The following WDR73 variants were observed in gnomAD, a reference collection of about 807,000 sequenced individuals.
WDR73 encodes the protein WD repeat domain 73, also known as integrator complex assembly factor WDR73.
WDR73 carries 30 observed loss-of-function variants against 38.2 expected under a neutral mutation model. The ratio of observed to expected loss-of-function variants is 0.79; its 90% CI spans 0.59 to 1.06. The LOEUF is 1.06. Among genes scored for constraint, WDR73 ranks in the 50% least tolerant of loss-of-function variants. WDR73 has a pLI of 0.00. For missense variants in WDR73, 487 were observed against 467.0 expected, an observed-to-expected ratio of 1.04 and a Z score of -0.40; for synonymous variants, 197 against 176.0, an observed-to-expected ratio of 1.12 and a Z score of -0.94.
At chr15:84,649,181 T>C (rs1896549120) in intron 3 of WDR73, among the ~76,000 whole-genome samples, 1 of 152,164 alleles carries the variant, frequency 6.6e-6, no homozygotes, top group African/African-American at 2.4e-5. Context: ...AAGTATTAAG[T>C]TGTGAATTTG....
chr15:84,641,650 A>G lies in WDR73; in HGVS notation c.*1820T>C, dbSNP rs1896259572. Reference sequence around the variant, plus strand: ...TGCCTCACCCTCCTGAGTAGTGGGGATTACAGGTGTGCCACCACCATGCCC... The same window carrying G: ...TGCCTCACCCTCCTGAGTAGTGGGGGTTACAGGTGTGCCACCACCATGCCC... On this transcript the variant is annotated 3_prime_UTR_variant, in exon 8 of 8. Coordinates refer to ENST00000434634, the MANE Select transcript of WDR73 (RefSeq NM_032856.5). 2 of 151,980 alleles carry G rather than the reference A, an allele frequency of 1.3e-5. No individual in the cohort carries two copies. The highest frequency in any genetic ancestry group is 2.9e-5 in the Non-Finnish European group (2 of 68,020). The allele number at this position is 151,980 out of a possible 1,614,324, so 9.4% of individuals were successfully genotyped here. A position where few individuals can be genotyped will look rare whatever the true frequency, so the allele number is the denominator to read the frequency against.
At chr15:84,648,458 G>A (rs1279938231) in intron 4 of WDR73, 79 bp downstream of exon 4, 12 of 987,922 alleles carry the variant, frequency 1.2e-5, no homozygotes, top group Non-Finnish European at 1.8e-5. Context: ...ATGGAGATGA[G>A]GAGGCAGAAT....
intron 3 of WDR73, among the ~76,000 whole-genome samples, chr15:84,649,618 C>T (rs1896565018): frequency 6.6e-6 from 1 of 151,876 alleles, no homozygotes; most frequent in South Asian, 2.1e-4. Context: ...TACAGGTGTG[C>T]ACCACCACAC....
At position 84,645,611 on chromosome 15, in the gene WDR73, C is replaced by T. The variant is rs1276461322; in HGVS notation, c.743G>A (p.Gly248Glu). Reference protein sequence around the residue: ...GPSIASLGSDGRLCLLDPRDL... With the variant: ...GPSIASLGSDERLCLLDPRDL... ...CCGGGGGTCAAGAAGACAAAGACGC[C>T]CATCTGAGCCAAGGCTGGCAATGCT... Residue 248 changes from glycine to glutamate, a missense_variant, in exon 7 of 8, where the codon GGG (glycine) becomes GAG (glutamate). By Grantham distance (98) the Gly-to-Glu change is moderately conservative. Transcript: ENST00000434634. 1 of 1,609,176 alleles carries T rather than the reference C, an allele frequency of 6.2e-7. No individual in the cohort carries two copies. Among genetic ancestry groups the T allele is most frequent in the Non-Finnish European group, 8.5e-7 (1 of 1,178,004 alleles).
Position 84,643,391 on chromosome 15 carries a change from A to C in WDR73, c.*79T>G. On this transcript the variant is annotated 3_prime_UTR_variant, in exon 8 of 8. Transcript: ENST00000434634. Reference sequence around the variant, plus strand: ...CAGCTGGTAACAGGGACTGGTAGTCACTTGAGTCCTACATGAGCACCCTTG... The same window carrying C: ...CAGCTGGTAACAGGGACTGGTAGTCCCTTGAGTCCTACATGAGCACCCTTG... 1 of 1,492,178 alleles carries C rather than the reference A, an allele frequency of 6.7e-7. No individual in the cohort carries two copies. The highest frequency in any genetic ancestry group is 9.0e-7 in the Non-Finnish European group (1 of 1,112,020). The allele number at this position is 1,492,178 out of a possible 1,614,324, so 92.4% of individuals were successfully genotyped here.
intron 3 of WDR73, among the ~76,000 whole-genome samples, 172 bp from the exon 4 acceptor site, chr15:84,648,797 G>T (rs754842655): frequency 1.3e-5 from 2 of 152,174 alleles, no homozygotes; most frequent in Non-Finnish European, 2.9e-5. Flanking sequence ...CTGCCTACAC[G>T]TACAGCTTCC....
At position 84,652,696 on chromosome 15, in the gene WDR73, A is replaced by T; in HGVS notation, c.198+18T>A. On this transcript the variant is annotated intron_variant, in intron 3 of 7. Transcript: ENST00000434634. ...ATAAATAAAAGTTGACATACTCAGC[A>T]TTTATATTTTAAGTTACCTTGTTTT... 1 of 1,367,034 alleles carries T rather than the reference A, an allele frequency of 7.3e-7. No homozygotes were observed. The allele number at this position is 1,367,034 out of a possible 1,614,324, so 84.7% of individuals were successfully genotyped here.
At chr15:84,647,349 C>G (rs1596052203) in intron 5 of WDR73, 1 of 157,614 alleles carries the variant, frequency 6.3e-6, no homozygotes, top group East Asian at 1.9e-4. Context: ...GCCACTGCCC[C>G]TGCCTAGGGA....
At chr15:84,649,346 G>A (rs1896554346) in intron 3 of WDR73, among the ~76,000 whole-genome samples, 2 of 152,176 alleles carry the variant, frequency 1.3e-5, no homozygotes, top group African/African-American at 4.8e-5. Context: ...CTCACAGCTA[G>A]GCTCAGTCTG....
At position 84,643,475 on chromosome 15, in the gene WDR73, G is replaced by A. The variant is rs376622127; in HGVS notation, c.1132C>T (p.Arg378Cys). 2.5e-5 allele frequency: 39 copies of A among 1,551,358 alleles called. No individual in the cohort carries two copies. The highest frequency in any genetic ancestry group is 3.6e-4 in the Middle Eastern group (2 of 5,494). The change falls in exon 8 of 8, where the codon CGC (arginine) becomes TGC (cysteine). Residue 378 changes from arginine to cysteine, a missense_variant. Transcript: ENST00000434634. ...VWDWVDLCAPR is the reference protein window; with the variant it reads ...VWDWVDLCAPC Reference sequence around the variant, plus strand: ...TAGATGGAAAGATGCTGGTGTCAGCGGGGGGCACAAAGGTCCACCCAGTCC... The same window carrying A: ...TAGATGGAAAGATGCTGGTGTCAGCAGGGGGCACAAAGGTCCACCCAGTCC...
At chr15:84,652,310 C>A (rs993271042) in intron 3 of WDR73, among the ~76,000 whole-genome samples, 3 of 152,198 alleles carry the variant, frequency 2.0e-5, no homozygotes, top group South Asian at 2.1e-4. Flanking sequence ...TCTTAGTATT[C>A]TTTGGGGAGG....
chr15:84,653,966 T>C (rs1272425008), intron 1 of WDR73: 2 of 604,338 alleles, frequency 3.3e-6, no homozygotes, highest in East Asian at 2.8e-5. Flanking sequence ...TGTTCTGAGC[T>C]GAACTCAGAG....
In WDR73 at chr15:84,645,624, G is replaced by A; in HGVS notation, c.730C>T (p.Leu244Phe). 2.5e-6 allele frequency: 4 copies of A among 1,609,028 alleles called. No individual in the cohort carries two copies. The highest frequency in any genetic ancestry group is 3.4e-6 in the Non-Finnish European group (4 of 1,177,878). The change falls in exon 7 of 8, where the codon CTT becomes TTT. Residue 244 changes from leucine (L) to phenylalanine (F), a missense_variant. By Grantham distance (22) the Leu-to-Phe change is conservative (BLOSUM62 0). Transcript: ENST00000434634. The part of the protein sequence containing the change: ...GQGPGPSIAS[L>F]GSDGRLCLLD... The stretch of plus-strand genomic sequence containing the variant: ...AGACAAAGACGCCCATCTGAGCCAA[G>A]GCTGGCAATGCTGGGCCCAGGGCCC...
rs1429876737 is a variant in WDR73 at position 84,639,957 on chromosome 15, G to A, written c.*3513C>T. 6.6e-6 allele frequency: 1 copy of A among 152,210 alleles called. No individual in the cohort carries two copies. The highest frequency in any genetic ancestry group is 1.5e-5 in the Non-Finnish European group (1 of 68,054). The allele number at this position is 152,210 out of a possible 1,614,324, so 9.4% of individuals were successfully genotyped here. A position where few individuals can be genotyped will look rare whatever the true frequency, so the allele number is the denominator to read the frequency against. On this transcript the variant is annotated 3_prime_UTR_variant, in exon 8 of 8. Coordinates refer to ENST00000434634, the MANE Select transcript of WDR73 (RefSeq NM_032856.5). The stretch of plus-strand genomic sequence containing the variant: ...CACACCAGGCACCAGTGTCTTCTAT[G>A]ATGAGATGGATGCCCTGTTGAGTCT...
At chr15:84,643,769 A>G in intron 7 of WDR73, 46 bp from the exon 8 acceptor site, 1 of 1,517,884 alleles carries the variant, frequency 6.6e-7, no homozygotes. Flanking sequence ...CCCTAATTTT[A>G]TTTTAAAATA....
At chr15:84,646,416 C>T in intron 5 of WDR73, 68 bp from the exon 6 acceptor site, 1 of 1,542,296 alleles carries the variant, frequency 6.5e-7, no homozygotes, top group Non-Finnish European at 8.7e-7. Context: ...AGGCTGCCAG[C>T]TGTCTTCCCC....
chr15:84,643,158 G>T lies in WDR73; in HGVS notation c.*312C>A. The T allele has an allele frequency of 7.4e-6, 2 of 270,016 alleles. No individual in the cohort carries two copies. Among genetic ancestry groups the T allele is most frequent in the South Asian group, 1.0e-4 (1 of 9,544 alleles). 16.7% of individuals were successfully genotyped at this position (270,016 alleles called of 1,614,324 possible). A position where few individuals can be genotyped will look rare whatever the true frequency, so the allele number is the denominator to read the frequency against. ...TCACAAAGCATGTTTATATTTGTTA[G>T]CTCTTTTGATTCTCCCTATGATAGT... On this transcript the variant is annotated 3_prime_UTR_variant, in exon 8 of 8. Coordinates refer to ENST00000434634, the MANE Select transcript of WDR73 (RefSeq NM_032856.5).
chr15:84,651,091 G>A (rs1159562965), intron 3 of WDR73, among the ~76,000 whole-genome samples: 2 of 151,556 alleles, frequency 1.3e-5, no homozygotes, highest in Non-Finnish European at 2.9e-5. Context: ...CTCCAGCCTA[G>A]GTGACAGAGT....
chr15:84,653,685 T>C lies in WDR73; in HGVS notation c.56A>G (p.Tyr19Cys), dbSNP rs771296208. Residue 19 changes from tyrosine (Y) to cysteine (C), a missense_variant, in exon 2 of 8, where the codon TAT becomes TGT. By Grantham distance (194) the Tyr-to-Cys change is radical. Transcript: ENST00000434634. The part of the protein sequence containing the change: ...VESLRLYQDF[Y>C]AFDLSGATRV... Reference sequence around the variant, plus strand: ...AGTGGCTCCTGACAGGTCGAATGCATAGAAATCCTGGTACCTGCACAAAAG... The same window carrying C: ...AGTGGCTCCTGACAGGTCGAATGCACAGAAATCCTGGTACCTGCACAAAAG... 8 of 1,592,454 alleles carry C rather than the reference T, an allele frequency of 5.0e-6. No individual in the cohort carries two copies. Among genetic ancestry groups the C allele is most frequent in the Admixed American group, 1.8e-5 (1 of 56,856 alleles).
Sources: allele counts gnomAD v4.1 joint callset (sites outside exome capture counted in the v4.1 genomes callset), GRCh38; gene constraint gnomAD v4.1.1; transcripts MANE v1.5; gene names NCBI Gene and HGNC (gene_info 2026-07-23, HGNC 2026-07-21).